SLC38A4: variants seen among roughly 807,000 people sequenced by gnomAD.
SLC38A4 encodes sodium-coupled neutral amino acid transporter 4.
In SLC38A4, 20 loss-of-function variants were observed where a neutral mutation model predicts 63.1. That is an observed-to-expected ratio of 0.32 (90% CI 0.22 to 0.46). The LOEUF (loss-of-function observed/expected upper bound fraction) is 0.46, where lower values mean the gene tolerates loss of function less well. SLC38A4 is among the 20% of genes least tolerant of loss of function. The pLI is 1.00. For synonymous variants in SLC38A4, 230 were observed against 225.5 expected (o/e 1.02, Z -0.18); for missense variants, 526 against 663.6 (o/e 0.79, Z 2.28).
At chr12:46,797,886 C>G (rs936563743) in intron 2 of SLC38A4, among the ~76,000 whole-genome samples, 2 of 152,126 alleles carry the variant, frequency 1.3e-5, no homozygotes, top group African/African-American at 4.8e-5. Flanking sequence ...ATGTTGTCAC[C>G]ATTTATCCAA....
At chr12:46,818,873 C>A (rs1272907933) in intron 1 of SLC38A4, among the ~76,000 whole-genome samples, 1 of 151,744 alleles carries the variant, frequency 6.6e-6, no homozygotes, top group Admixed American at 6.6e-5. Flanking sequence ...CATTTTGAAA[C>A]CTGATTGAAA....
intron 16 of SLC38A4, 37 bp from the exon 17 acceptor site, chr12:46,766,839 C>A (rs1413641276): frequency 1.4e-6 from 2 of 1,412,166 alleles, no homozygotes; most frequent in South Asian, 1.2e-5. Context: ...AGCACAGAAA[C>A]CATACTTAGT....
At chr12:46,824,617 C>T (rs1939610840) in intron 1 of SLC38A4, among the ~76,000 whole-genome samples, 1 of 152,110 alleles carries the variant, frequency 6.6e-6, no homozygotes, top group Non-Finnish European at 1.5e-5. Context: ...GCATGGATCT[C>T]AAGAGCATCA....
At position 46,803,422 on chromosome 12, in the gene SLC38A4, G is replaced by A. The variant is rs561505287; in HGVS notation, c.-113+181C>T. 5.9e-5 allele frequency among the ~76,000 whole-genome samples: 9 copies of A among 151,698 alleles called. No individual in the cohort carries two copies. In the South Asian group the frequency reaches 1.3e-3, roughly 21 times the overall value. On this transcript the variant is annotated intron_variant, in intron 2 of 16. Coordinates refer to ENST00000266579, the MANE Select transcript of SLC38A4 (RefSeq NM_018018.5). ...AAAAGAAAACTGCAATCAGGACCTG[G>A]GTAAATAATTTCAATGTTTGACATT...
At chr12:46,788,762 C>T (rs920633516) in intron 3 of SLC38A4, 144 bp from the exon 4 acceptor site, 14 of 673,400 alleles carry the variant, frequency 2.1e-5, no homozygotes, top group Admixed American at 1.1e-4. Context: ...TTCACACTAA[C>T]GGTCATTCCA....
At chr12:46,788,406 ATAAACACAGAAT>A in intron 4 of SLC38A4, 110 bp downstream of exon 4, 1 of 754,514 alleles carries the variant, frequency 1.3e-6, no homozygotes, top group South Asian at 1.7e-5. Flanking sequence ...AAGAGCCTGA[ATAAACACAGAAT>A]GTGCTGATCA....
chr12:46,788,626 C>T lies in SLC38A4; in HGVS notation c.120-8G>A. 1 of 1,601,630 alleles carries T rather than the reference C, an allele frequency of 6.2e-7. No homozygotes were observed. Among genetic ancestry groups the T allele is most frequent in the Non-Finnish European group, 8.6e-7 (1 of 1,169,482 alleles). The stretch of plus-strand genomic sequence containing the variant: ...TCTTCATTAGCAAATTGACTGAACA[C>T]ACACACACACAAATAAGAAAGTGAA... On this transcript the variant is annotated splice_region_variant and splice_polypyrimidine_tract_variant and intron_variant, in intron 3 of 16. Transcript: ENST00000266579.
At chr12:46,800,630 G>A (rs533120045) in intron 2 of SLC38A4, among the ~76,000 whole-genome samples, 2 of 152,020 alleles carry the variant, frequency 1.3e-5, no homozygotes, top group Middle Eastern at 6.8e-3. Context: ...GCCACTATAT[G>A]CTCTCCTCTC....
intron 1 of SLC38A4, among the ~76,000 whole-genome samples, chr12:46,823,189 T>TA (rs1939585359): frequency 6.6e-6 from 1 of 152,108 alleles, no homozygotes; most frequent in East Asian, 1.9e-4. Flanking sequence ...AAGTAAACAG[T>TA]ATAAGAGCGG....
intron 4 of SLC38A4, 88 bp downstream of exon 4, chr12:46,788,440 A>G: frequency 9.3e-7 from 1 of 1,075,746 alleles, no homozygotes; most frequent in Non-Finnish European, 1.4e-6. Flanking sequence ...GGCTTGGAAA[A>G]TTTCAGTCAC....
At chr12:46,797,044 CT>C in intron 2 of SLC38A4, among the ~76,000 whole-genome samples, 1 of 152,232 alleles carries the variant, frequency 6.6e-6, no homozygotes, top group South Asian at 2.1e-4. Context: ...ACCACTATTG[CT>C]TTTCACAGTT....
intron 1 of SLC38A4, among the ~76,000 whole-genome samples, chr12:46,823,269 A>G (rs1939587123): frequency 6.6e-6 from 1 of 152,124 alleles, no homozygotes; most frequent in Non-Finnish European, 1.5e-5. Context: ...CCTCAAGTTT[A>G]TAGGATTAAA....
At chr12:46,797,025 G>T (rs1939022790) in intron 2 of SLC38A4, among the ~76,000 whole-genome samples, 1 of 152,042 alleles carries the variant, frequency 6.6e-6, no homozygotes, top group African/African-American at 2.4e-5. Flanking sequence ...ATTTCTATTT[G>T]CTGATGACAC....
In SLC38A4 at chr12:46,769,292, C is replaced by A. The variant is rs1449285300; in HGVS notation, c.1436G>T (p.Gly479Val). The change falls in exon 15 of 17, where the codon GGA becomes GTA. Residue 479 changes from glycine to valine, a missense_variant. By Grantham distance (109) the Gly-to-Val change is moderately radical (BLOSUM62 -3). Coordinates refer to ENST00000266579, the MANE Select transcript of SLC38A4 (RefSeq NM_018018.5). ...ILVPTIKYIFGFIGASSATML... is the reference protein window; with the variant it reads ...ILVPTIKYIFVFIGASSATML... ...GCCTTTCTGAAACTCACCTATGAATCCGAAGATGTATTTTATAGTTGGCAC... is the reference window on the plus strand; with the variant it reads ...GCCTTTCTGAAACTCACCTATGAATACGAAGATGTATTTTATAGTTGGCAC... The A allele has an allele frequency of 5.0e-6, 8 of 1,612,846 alleles. No homozygotes were observed. Among genetic ancestry groups the A allele is most frequent in the Non-Finnish European group, 5.1e-6 (6 of 1,179,308 alleles).
intron 10 of SLC38A4, 115 bp downstream of exon 10, chr12:46,779,495 TG>T: frequency 1.3e-6 from 1 of 798,580 alleles, no homozygotes; most frequent in Non-Finnish European, 2.0e-6. Flanking sequence ...AAATCACTTG[TG>T]ATACAAGAAC....
At chr12:46,824,432 G>A (rs368469330) in intron 1 of SLC38A4, 3 of 151,820 alleles carry the variant, frequency 2.0e-5, no homozygotes, top group East Asian at 1.9e-4. Flanking sequence ...TTCACATTTC[G>A]TCCTCACACT....
chr12:46,788,694 GATCTAAGTAAC>G, intron 3 of SLC38A4, 76 bp from the exon 4 acceptor site: 1 of 1,299,966 alleles, frequency 7.7e-7, no homozygotes, highest in Non-Finnish European at 1.1e-6. Flanking sequence ...TGTTTCAGGT[GATCTAAGTAAC>G]TGAATCAGAG....
At chr12:46,800,869 A>C (rs1476312823) in intron 2 of SLC38A4, among the ~76,000 whole-genome samples, 1 of 152,170 alleles carries the variant, frequency 6.6e-6, no homozygotes, top group Non-Finnish European at 1.5e-5. Context: ...TTATAGTTTT[A>C]TAGGATAATG....
chr12:46,784,518 C>G, intron 7 of SLC38A4, 24 bp downstream of exon 7: 3 of 1,564,104 alleles, frequency 1.9e-6, no homozygotes, highest in Non-Finnish European at 2.6e-6. Flanking sequence ...TTTATGGGAT[C>G]CATTGAAAAG....
Sources: allele counts gnomAD v4.1 joint callset (sites outside exome capture counted in the v4.1 genomes callset), GRCh38; gene constraint gnomAD v4.1.1; transcripts MANE v1.5; gene names NCBI Gene and HGNC (gene_info 2026-07-23, HGNC 2026-07-21).